The following BPIFB2 variants were observed in gnomAD, a reference collection of about 807,000 sequenced individuals.
BPIFB2 encodes BPI fold containing family B member 2, also known as BPI fold-containing family B member 2.
A neutral mutation model predicts 50.1 loss-of-function variants in BPIFB2; 39 were observed. That is an observed-to-expected ratio of 0.78 (90% CI 0.60 to 1.02). The LOEUF is 1.02. BPIFB2 is among the 50% of genes least tolerant of loss of function. BPIFB2 has a pLI of 0.00. For synonymous variants in BPIFB2, 280 were observed against 256.3 expected, an observed-to-expected ratio of 1.09 and a Z score of -0.88; for missense variants, 574 against 585.8, an observed-to-expected ratio of 0.98 and a Z score of 0.21.
rs115742021 is a variant in BPIFB2 at position 33,019,800 on chromosome 20, C to T, written c.1080+50C>T. The T allele has an allele frequency of 1.2e-3, 1,768 of 1,515,340 alleles. 22 individuals are homozygous for T. In the African/African-American group the frequency reaches 0.022, roughly 19 times the overall value. The allele number at this position is 1,515,340 out of a possible 1,614,324, so 93.9% of individuals were successfully genotyped here. ...AGGCAGGCAACTGTCACAGAGACCT[C>T]CCTCCCTGCTTCACTGTCCCCTCAT... On this transcript the variant is annotated intron_variant, in intron 11 of 15. Transcript: ENST00000170150.
intron 11 of BPIFB2, 92 bp downstream of exon 11, chr20:33,019,842 C>T: frequency 7.2e-7 from 1 of 1,388,560 alleles, no homozygotes; most frequent in Non-Finnish European, 9.6e-7. Context: ...TCTACTCACA[C>T]TATTGTCTTC....
Position 33,008,667 on chromosome 20 carries a change from G to A in BPIFB2, c.93G>A (p.Lys31=). Residue 31 remains lysine, a synonymous_variant, in exon 2 of 16, where the codon AAG becomes AAA. Coordinates refer to ENST00000170150, the MANE Select transcript of BPIFB2 (RefSeq NM_025227.3). ...CAGGCACCGTGGTCCGACTCAACAA[G>A]GCAGCATTGAGCTACGGTAAGCGGT... The part of the protein sequence containing the change: ...STPGTVVRLN[K]AALSYVSEIG... 6.2e-7 allele frequency: 1 copy of A among 1,604,436 alleles called. No individual in the cohort carries two copies. Among genetic ancestry groups the A allele is most frequent in the Non-Finnish European group, 8.5e-7 (1 of 1,175,364 alleles).
At chr20:33,020,650 G>A in intron 13 of BPIFB2, 63 bp downstream of exon 13, 14 of 1,500,588 alleles carry the variant, frequency 9.3e-6, no homozygotes, top group Non-Finnish European at 1.3e-5. Context: ...TTGAGCCTGG[G>A]GAAGAGATGG....
chr20:33,014,391 C>T (rs1194008935), intron 5 of BPIFB2, among the ~76,000 whole-genome samples: 3 of 152,212 alleles, frequency 2.0e-5, no homozygotes, highest in African/African-American at 7.2e-5. Flanking sequence ...GCAGCTCCCG[C>T]CTCCAGAGCA....
At chr20:33,020,873 G>A (rs1046257360) in intron 13 of BPIFB2, among the ~76,000 whole-genome samples, 1 of 152,128 alleles carries the variant, frequency 6.6e-6, no homozygotes, top group Admixed American at 6.5e-5. Flanking sequence ...TGGGTCATCG[G>A]CCACCATACA....
In BPIFB2 at chr20:33,012,915, G is replaced by A; in HGVS notation, c.308+8G>A. On this transcript the variant is annotated splice_region_variant and intron_variant, in intron 4 of 15. Coordinates refer to ENST00000170150, the MANE Select transcript of BPIFB2 (RefSeq NM_025227.3). ...TACTTTCAAGGTCTTTCGGTGAGCG[G>A]ATCTCCTTGTTAGGGGGTGAGAAGG... 6.2e-7 allele frequency: 1 copy of A among 1,602,954 alleles called. No homozygotes were observed. The highest frequency in any genetic ancestry group is 8.5e-7 in the Non-Finnish European group (1 of 1,170,042).
In BPIFB2 at chr20:33,009,626, A is replaced by G. The variant is rs1990259966; in HGVS notation, c.109+943A>G. On this transcript the variant is annotated intron_variant, in intron 2 of 15. Transcript: ENST00000170150. The surrounding 1 kb of genome is among the most constrained non-coding windows in gnomAD (Gnocchi z 4.2). ...CTCATATCCGGGCTGATGGGCAGGC[A>G]ATGAAAGGGGTCAGTGATCCGTGCC... Among the ~76,000 whole-genome samples, 1 of 152,174 alleles carries G rather than the reference A, an allele frequency of 6.6e-6. No individual in the cohort carries two copies. The highest frequency in any genetic ancestry group is 1.5e-5 in the Non-Finnish European group (1 of 68,026).
intron 4 of BPIFB2, among the ~76,000 whole-genome samples, chr20:33,013,141 C>T (rs1460877851): frequency 1.3e-5 from 2 of 152,158 alleles, no homozygotes; most frequent in Non-Finnish European, 2.9e-5. Context: ...TGTTTACCCC[C>T]TCAGCTTCCT....
At chr20:33,008,344 T>C (rs1388751265) in intron 1 of BPIFB2, among the ~76,000 whole-genome samples, 197 bp from the exon 2 acceptor site, 1 of 152,158 alleles carries the variant, frequency 6.6e-6, no homozygotes, top group African/African-American at 2.4e-5. Flanking sequence ...CAGAAGGGAC[T>C]CCCCCATGAT....
At chr20:33,021,878 C>A in intron 15 of BPIFB2, 79 bp downstream of exon 15, 1 of 1,414,238 alleles carries the variant, frequency 7.1e-7, no homozygotes, top group Non-Finnish European at 1.0e-6. Context: ...CTCTCTCCCT[C>A]CCCCTCTGTG....
intron 13 of BPIFB2, 60 bp downstream of exon 13, chr20:33,020,647 T>G: frequency 6.6e-7 from 1 of 1,507,060 alleles, no homozygotes; most frequent in Non-Finnish European, 9.0e-7. Flanking sequence ...ACCTTGAGCC[T>G]GGGGAAGAGA....
In BPIFB2 at chr20:33,023,426, T is replaced by C. The variant is rs772146519; in HGVS notation, c.*43T>C. The C allele has an allele frequency of 1.3e-6, 2 of 1,598,684 alleles. No individual in the cohort carries two copies. The highest frequency in any genetic ancestry group is 2.7e-5 in the African/African-American group (2 of 74,562). The stretch of plus-strand genomic sequence containing the variant: ...GCCTGAGAGTGGGCCAGCTCGCTGC[T>C]CAGGCGAATTTCTCATTTCAAGCCA... On this transcript the variant is annotated 3_prime_UTR_variant, in exon 16 of 16. Coordinates refer to ENST00000170150, the MANE Select transcript of BPIFB2 (RefSeq NM_025227.3).
intron 4 of BPIFB2, 90 bp from the exon 5 acceptor site, chr20:33,013,720 C>A: frequency 6.6e-7 from 1 of 1,509,010 alleles, no homozygotes; most frequent in Non-Finnish European, 8.9e-7. Context: ...GGAGGGCAGG[C>A]AGGGGCTGGG....
chr20:33,021,601 G>T (rs1254692012), intron 14 of BPIFB2, 122 bp from the exon 15 acceptor site: 73 of 1,062,002 alleles, frequency 6.9e-5, no homozygotes, highest in Non-Finnish European at 9.0e-5. Context: ...TCTGTAAAAG[G>T]GGTATAACAA....
In BPIFB2 at chr20:33,023,665, C is replaced by A. The variant is rs1978768737; in HGVS notation, c.*282C>A. On this transcript the variant is annotated 3_prime_UTR_variant, in exon 16 of 16. Coordinates refer to ENST00000170150, the MANE Select transcript of BPIFB2 (RefSeq NM_025227.3). ...AGACTGCTCCTCCAGGCTGTATAGA[C>A]CTGCCCTCTTGCATTAAACAACTTC... The A allele has an allele frequency of 3.7e-6, 2 of 539,154 alleles. No individual in the cohort carries two copies. The highest frequency in any genetic ancestry group is 6.7e-6 in the Non-Finnish European group (2 of 299,050). 33.4% of individuals were successfully genotyped at this position (539,154 alleles called of 1,614,324 possible).
chr20:33,008,428 G>A, intron 1 of BPIFB2, 113 bp from the exon 2 acceptor site: 1 of 583,860 alleles, frequency 1.7e-6, no homozygotes. Context: ...GTGGGCCTGG[G>A]GCAGGGCTGG....
chr20:33,016,453 C>G (rs535690164), intron 6 of BPIFB2, among the ~76,000 whole-genome samples: 12 of 152,200 alleles, frequency 7.9e-5, no homozygotes, highest in Non-Finnish European at 1.6e-4. Flanking sequence ...CTCTTCCTCT[C>G]GACCTCGCCC....
In BPIFB2 at chr20:33,021,773, G is replaced by T. The variant is rs140776401; in HGVS notation, c.1309G>T (p.Val437Phe). 1.8e-5 allele frequency: 29 copies of T among 1,613,972 alleles called. No homozygotes were observed. The African/African-American group carries it at 2.8e-4, about 16-fold the overall frequency. The stretch of plus-strand genomic sequence containing the variant: ...CCCTGGTGTGGTCAACCTCCACTAT[G>T]TCGCCCCTGAGATCTTTGTCTATGA... ...ALPGVVNLHY[V>F]APEIFVYEGY... is the part of the protein sequence containing the mutation. Residue 437 changes from valine (V) to phenylalanine (F), a missense_variant, in exon 15 of 16, where the codon GTC becomes TTC. Transcript: ENST00000170150.
intron 6 of BPIFB2, 148 bp downstream of exon 6, chr20:33,015,644 G>T (rs1978393443): frequency 1.4e-6 from 1 of 737,200 alleles, no homozygotes; most frequent in African/African-American, 1.8e-5. Flanking sequence ...ATGAAGGCAG[G>T]GAAAAGGCTG....
Sources: gnomAD v4.1 joint callset for allele counts (sites outside exome capture counted in the v4.1 genomes callset) on GRCh38, gnomAD v4.1.1 for gene constraint, Gnocchi (gnomAD v3.1) non-coding constraint, MANE v1.5 for transcripts, NCBI Gene and HGNC (gene_info 2026-07-23, HGNC 2026-07-21) for gene names.